The following KPNA2 variants were observed in gnomAD, a reference collection of about 807,000 sequenced individuals.
KPNA2 encodes karyopherin subunit alpha 2.
KPNA2 carries 20 observed loss-of-function variants against 53.7 expected under a neutral mutation model. The observed-to-expected ratio is 0.37, with a 90% CI of 0.26 to 0.54. The LOEUF is 0.54. Ranked by LOEUF, KPNA2 falls within the 20% of genes least tolerant of loss-of-function variation. The probability of loss-of-function intolerance (pLI) is 0.83; values close to 1 mark genes in which losing one functional copy is unlikely to be tolerated. For missense variants in KPNA2, 515 were observed against 640.3 expected (o/e 0.80, Z 2.11); for synonymous variants, 238 against 227.5 (o/e 1.05, Z -0.42).
chr17:68,043,142 T>G lies in KPNA2; in HGVS notation c.709T>G (p.Cys237Gly), dbSNP rs1178484174. 1 of 1,614,056 alleles carries G rather than the reference T, an allele frequency of 6.2e-7. No homozygotes were observed. Among genetic ancestry groups the G allele is most frequent in the African/African-American group, 1.3e-5 (1 of 74,910 alleles). Residue 237 changes from cysteine to glycine, a missense_variant, in exon 7 of 11, where the codon TGC (cysteine) becomes GGC (glycine). By Grantham distance (159) the Cys-to-Gly change is radical. Coordinates refer to ENST00000330459, the MANE Select transcript of KPNA2 (RefSeq NM_002266.4). ...RNLTWTLSNL[C>G]RNKNPAPPID... ...TCTTACCTGGACACTTTCTAATCTT[T>G]GCCGCAACAAGAATCCTGCACCCCC...
At chr17:68,036,819 C>T (rs1206939237) in intron 1 of KPNA2, among the ~76,000 whole-genome samples, 1 of 152,266 alleles carries the variant, frequency 6.6e-6, no homozygotes, top group East Asian at 1.9e-4. Flanking sequence ...ATTAGTTTCA[C>T]TTGTTTCTTT....
At chr17:68,036,381 GCAAAT>G (rs1568274103) in intron 1 of KPNA2, 1 of 152,288 alleles carries the variant, frequency 6.6e-6, no homozygotes, top group Non-Finnish European at 1.5e-5. Flanking sequence ...CTCTGGAAAT[GCAAAT>G]CAAATATGCG....
intron 3 of KPNA2, among the ~76,000 whole-genome samples, chr17:68,038,506 C>T (rs1232187349): frequency 6.6e-6 from 1 of 152,144 alleles, no homozygotes; most frequent in Non-Finnish European, 1.5e-5. Flanking sequence ...ACAGTAGCCT[C>T]CTAATTTATC....
At chr17:68,038,140 T>A (rs1599138458) in intron 3 of KPNA2, among the ~76,000 whole-genome samples, 1 of 152,256 alleles carries the variant, frequency 6.6e-6, no homozygotes, top group East Asian at 1.9e-4. Context: ...CCTGTCTGGC[T>A]AATTTTTTGT....
intron 9 of KPNA2, chr17:68,045,504 A>G (rs550307289): frequency 1.6e-5 from 5 of 317,786 alleles, no homozygotes; most frequent in East Asian, 1.0e-4. Context: ...AGTTGCCCGC[A>G]TGATTTTGAT....
intron 3 of KPNA2, among the ~76,000 whole-genome samples, chr17:68,039,879 C>G (rs1008520258): frequency 1.3e-5 from 2 of 151,204 alleles, no homozygotes; most frequent in African/African-American, 4.9e-5. Context: ...TCGAGACCAG[C>G]CTGACCAACA....
In KPNA2 at chr17:68,045,876, G is replaced by T. The variant is rs1064414; in HGVS notation, c.1452G>T (p.Val484=). ...TACAAAACCATGAAAATGAGTCTGT[G>T]TATAAGGCTTCGTTAAGCTTAATTG... ...EALQNHENES[V]YKASLSLIEK... Residue 484 remains valine (V), a synonymous_variant, in exon 10 of 11, where the codon GTG becomes GTT. Coordinates refer to ENST00000330459, the MANE Select transcript of KPNA2 (RefSeq NM_002266.4). 1.2e-4 allele frequency: 189 copies of T among 1,603,268 alleles called. No homozygotes were observed. The African/African-American group carries it at 2.4e-3, about 20-fold the overall frequency.
At chr17:68,042,452 G>T in intron 5 of KPNA2, 99 bp downstream of exon 5, 2 of 1,305,528 alleles carry the variant, frequency 1.5e-6, no homozygotes, top group Non-Finnish European at 1.1e-6. Flanking sequence ...CAAGTTTTGA[G>T]CTTGCTTTCA....
At chr17:68,042,403 T>A in intron 5 of KPNA2, 50 bp downstream of exon 5, 1 of 1,576,836 alleles carries the variant, frequency 6.3e-7, no homozygotes, top group Non-Finnish European at 8.7e-7. Context: ...TCGTAATTAG[T>A]TGGAAGAAAG....
chr17:68,042,641 G>C (rs2071273884), intron 5 of KPNA2, among the ~76,000 whole-genome samples: 1 of 152,072 alleles, frequency 6.6e-6, no homozygotes, highest in Non-Finnish European at 1.5e-5. Flanking sequence ...CCAGCACTTT[G>C]GGAGGCAGAG....
rs150061174 is a variant in KPNA2 at position 68,042,565 on chromosome 17, T to C, written c.571+212T>C. Among the ~76,000 whole-genome samples the C allele has an allele frequency of 3.9e-3, 591 of 152,246 alleles. 3 individuals carry two copies. The highest frequency in any genetic ancestry group is 0.013 in the African/African-American group (557 of 41,556). ...GGTGCATTCAGTCACTGAAAATTGA[T>C]GGTGTTGGACAAGGTAATAAAATTA... is the stretch of plus-strand genomic sequence containing the variant. On this transcript the variant is annotated intron_variant, in intron 5 of 10. Coordinates refer to ENST00000330459, the MANE Select transcript of KPNA2 (RefSeq NM_002266.4).
At chr17:68,038,687 G>A (rs781915671) in intron 3 of KPNA2, among the ~76,000 whole-genome samples, 1 of 152,010 alleles carries the variant, frequency 6.6e-6, no homozygotes, top group Non-Finnish European at 1.5e-5. Context: ...CAACAAGAGT[G>A]AAACTCCGTC....
At position 68,043,198 on chromosome 17, in the gene KPNA2, C is replaced by T; in HGVS notation, c.765C>T (p.Thr255=). Residue 255 remains threonine, a synonymous_variant, in exon 7 of 11, where the codon ACC becomes ACT. Transcript: ENST00000330459. ...PIDAVEQILP[T]LVRLLHHDDP... Reference sequence around the variant, plus strand: ...ATGCTGTTGAGCAGATTCTTCCTACCTTAGTTCGGCTCCTGCATCATGATG... The same window carrying T: ...ATGCTGTTGAGCAGATTCTTCCTACTTTAGTTCGGCTCCTGCATCATGATG... 4 of 1,614,102 alleles carry T rather than the reference C, an allele frequency of 2.5e-6. No individual in the cohort carries two copies. Among genetic ancestry groups the T allele is most frequent in the Non-Finnish European group, 3.4e-6 (4 of 1,180,000 alleles).
At position 68,044,003 on chromosome 17, in the gene KPNA2, C is replaced by T. The variant is rs202041693; in HGVS notation, c.1096C>T (p.Arg366Cys). The T allele has an allele frequency of 6.5e-5, 105 of 1,613,934 alleles. No individual in the cohort carries two copies. In the East Asian group the frequency reaches 2.1e-3, roughly 33 times the overall value. The change falls in exon 8 of 11, where the codon CGC becomes TGC. Residue 366 changes from arginine (R) to cysteine (C), a missense_variant. Physicochemically the swap from Arg to Cys is radical, Grantham distance 180. Coordinates refer to ENST00000330459, the MANE Select transcript of KPNA2 (RefSeq NM_002266.4). ...GACAATGTCAAACATCACAGCCGGC[C>T]GCCAGGACCAGATACAGCAAGTTGT... ...TWTMSNITAG[R>C]QDQIQQVVNH...
rs993300102 is a variant in KPNA2, at chr17:68,042,160, C to T, written c.378C>T (p.Ser126=). The change falls in exon 5 of 11, where the codon TCC becomes TCT. Residue 126 remains serine, a synonymous_variant. Transcript: ENST00000330459. ...IRAGLIPKFV[S]FLGRTDCSPI... The stretch of plus-strand genomic sequence containing the variant: ...CTGGTTTGATTCCGAAATTTGTGTC[C>T]TTCTTGGGCAGAACTGATTGTAGTC... 6.2e-7 allele frequency: 1 copy of T among 1,613,974 alleles called. No individual in the cohort carries two copies. The highest frequency in any genetic ancestry group is 1.1e-5 in the South Asian group (1 of 91,078).
At chr17:68,043,585 A>T (rs2071290146) in intron 7 of KPNA2, among the ~76,000 whole-genome samples, 1 of 151,866 alleles carries the variant, frequency 6.6e-6, no homozygotes, top group Admixed American at 6.6e-5. Context: ...ACGTGTCTGT[A>T]ATCTCAACTA....
At position 68,043,944 on chromosome 17, in the gene KPNA2, A is replaced by C. The variant is rs782251646; in HGVS notation, c.1037A>C (p.Asn346Thr). ...GCCGTCTTTCCCAGCCTGCTCACCA[A>C]CCCCAAAACTAACATTCAGAAGGAA... is the stretch of plus-strand genomic sequence containing the variant. ...ALAVFPSLLTNPKTNIQKEAT... is the reference protein window; with the variant it reads ...ALAVFPSLLTTPKTNIQKEAT... Residue 346 changes from asparagine (N) to threonine (T), a missense_variant, in exon 8 of 11, where the codon AAC (asparagine) becomes ACC (threonine). Physicochemically the swap from Asn to Thr is moderately conservative, Grantham distance 65. Transcript: ENST00000330459. The C allele has an allele frequency of 4.8e-5, 78 of 1,613,760 alleles. No individual in the cohort carries two copies. The highest frequency in any genetic ancestry group is 6.4e-5 in the Non-Finnish European group (76 of 1,179,880).
At chr17:68,046,389 A>G (rs2071331106) in intron 10 of KPNA2, 115 bp from the exon 11 acceptor site, 1 of 625,038 alleles carries the variant, frequency 1.6e-6, no homozygotes. Flanking sequence ...AATATCATAC[A>G]GGATTAAAGG....
rs1555705047 is a variant in KPNA2 at position 68,043,982 on chromosome 17, A to G, written c.1075A>G (p.Met359Val). Residue 359 changes from methionine to valine, a missense_variant, in exon 8 of 11, where the codon ATG becomes GTG. Met to Val is a conservative substitution (Grantham distance 21). Transcript: ENST00000330459. ...CATTCAGAAGGAAGCTACGTGGACA[A>G]TGTCAAACATCACAGCCGGCCGCCA... ...TNIQKEATWT[M>V]SNITAGRQDQ... The G allele has an allele frequency of 2.5e-6, 4 of 1,613,896 alleles. No individual in the cohort carries two copies. Among genetic ancestry groups the G allele is most frequent in the African/African-American group, 1.3e-5 (1 of 74,926 alleles).
Sources: gnomAD v4.1 joint callset for allele counts (sites outside exome capture counted in the v4.1 genomes callset) on GRCh38, gnomAD v4.1.1 for gene constraint, MANE v1.5 for transcripts, NCBI Gene and HGNC (gene_info 2026-07-23, HGNC 2026-07-21) for gene names.